Variants in FAM184B observed in about 807,000 individuals in gnomAD.
The protein encoded by FAM184B is family with sequence similarity 184 member B, also known as protein FAM184B.
A neutral mutation model predicts 135.9 loss-of-function variants in FAM184B; 111 were observed. The ratio of observed to expected loss-of-function variants is 0.82; its 90% CI spans 0.70 to 0.96. FAM184B has a LOEUF of 0.96. Ranked by LOEUF, FAM184B falls within the 40% of genes least tolerant of loss-of-function variation. The pLI is 0.00. For missense variants in FAM184B, 1,375 were observed against 1,323.9 expected (o/e 1.04, Z -0.60); for synonymous variants, 552 against 524.8 (o/e 1.05, Z -0.71).
At chr4:17,705,361 T>C (rs1717085050) in intron 4 of FAM184B, among the ~76,000 whole-genome samples, 155 bp from the exon 5 acceptor site, 1 of 152,228 alleles carries the variant, frequency 6.6e-6, no homozygotes, top group South Asian at 2.1e-4. Context: ...ATATATTTGA[T>C]GTTAGTAAAA....
At chr4:17,769,288 G>A (rs954881775) in intron 1 of FAM184B, among the ~76,000 whole-genome samples, 1 of 152,070 alleles carries the variant, frequency 6.6e-6, no homozygotes, top group Non-Finnish European at 1.5e-5. Flanking sequence ...CTTTGCAGGG[G>A]AAATCATCTA....
intron 12 of FAM184B, among the ~76,000 whole-genome samples, chr4:17,647,214 A>AG (rs1425664495): frequency 1.3e-5 from 2 of 148,962 alleles, no homozygotes; most frequent in Non-Finnish European, 1.5e-5. Context: ...CACTTCGGGC[A>AG]GGGGGGAGGG....
intron 5 of FAM184B, among the ~76,000 whole-genome samples, chr4:17,703,188 C>G (rs1211355805): frequency 3.9e-5 from 6 of 152,004 alleles, no homozygotes; most frequent in African/African-American, 1.5e-4. Flanking sequence ...ATTATGTTAC[C>G]CAATGCACAT....
At chr4:17,762,229 G>A (rs1219740963) in intron 1 of FAM184B, among the ~76,000 whole-genome samples, 6 of 152,312 alleles carry the variant, frequency 3.9e-5, no homozygotes, top group African/African-American at 1.2e-4. Flanking sequence ...GATCCCCTAT[G>A]AGATGATAAT....
chr4:17,630,186 A>C lies in FAM184B; in HGVS notation c.*2346T>G, dbSNP rs1042732277. ...GCCTGGGAAAGTGTTTCAACACACAAAAATAGAACCACCTGTATGTAGTCT... is the reference window on the plus strand; with the variant it reads ...GCCTGGGAAAGTGTTTCAACACACACAAATAGAACCACCTGTATGTAGTCT... On this transcript the variant is annotated 3_prime_UTR_variant, in exon 18 of 18. Coordinates refer to ENST00000265018, the MANE Select transcript of FAM184B (RefSeq NM_015688.2). 2 of 152,194 alleles carry C rather than the reference A, an allele frequency of 1.3e-5. No homozygotes were observed. Among genetic ancestry groups the C allele is most frequent in the Non-Finnish European group, 2.9e-5 (2 of 68,018 alleles). 9.4% of individuals were successfully genotyped at this position (152,194 alleles called of 1,614,324 possible).
intron 15 of FAM184B, among the ~76,000 whole-genome samples, chr4:17,635,952 C>T (rs1421135424): frequency 6.6e-6 from 1 of 152,144 alleles, no homozygotes; most frequent in Non-Finnish European, 1.5e-5. Flanking sequence ...ACAATTCAAA[C>T]CTAAGCCATT....
In FAM184B at chr4:17,639,367, C is replaced by T. The variant is rs758159377; in HGVS notation, c.2549G>A (p.Arg850Gln). ...RFLEETQQAQ[R>Q]AREVETLRQE... ...GCGCAGTGTCTCCACCTCCCTGGCC[C>T]GCTGGGCTTGCTGAGTCTCCTCCAG... The change falls in exon 14 of 18, where the codon CGG becomes CAG. Residue 850 changes from arginine to glutamine, a missense_variant. By Grantham distance (43) the Arg-to-Gln change is conservative. Transcript: ENST00000265018. 30 of 1,551,590 alleles carry T rather than the reference C, an allele frequency of 1.9e-5. No individual in the cohort carries two copies. Among genetic ancestry groups the T allele is most frequent in the South Asian group, 1.4e-4 (12 of 84,058 alleles).
At chr4:17,693,612 G>A (rs1463687900) in intron 5 of FAM184B, among the ~76,000 whole-genome samples, 200 bp from the exon 6 acceptor site, 4 of 152,160 alleles carry the variant, frequency 2.6e-5, no homozygotes, top group Non-Finnish European at 5.9e-5. Flanking sequence ...ATATATATAG[G>A]GGTGGGGCGG....
At chr4:17,727,877 C>G (rs958103801) in intron 1 of FAM184B, among the ~76,000 whole-genome samples, 1 of 152,082 alleles carries the variant, frequency 6.6e-6, no homozygotes, top group South Asian at 2.1e-4. Flanking sequence ...ATGAAAGTGA[C>G]AAAGGGTCAA....
At chr4:17,733,318 T>C (rs1326199003) in intron 1 of FAM184B, among the ~76,000 whole-genome samples, 2 of 152,188 alleles carry the variant, frequency 1.3e-5, no homozygotes, top group Non-Finnish European at 2.9e-5. Flanking sequence ...TTCAACATAG[T>C]GTTGGAAGTT....
At chr4:17,737,704 A>G (rs1577283725) in intron 1 of FAM184B, among the ~76,000 whole-genome samples, 3 of 152,130 alleles carry the variant, frequency 2.0e-5, no homozygotes, top group African/African-American at 7.2e-5. Flanking sequence ...GAGAAGGACA[A>G]AGTATCTCCC....
At chr4:17,721,956 T>G (rs1717542097) in intron 1 of FAM184B, among the ~76,000 whole-genome samples, 2 of 152,306 alleles carry the variant, frequency 1.3e-5, no homozygotes, top group South Asian at 4.1e-4. Context: ...ATCTCATAAC[T>G]GCATCTCTGG....
At chr4:17,779,937 T>C (rs1447002994) in intron 1 of FAM184B, among the ~76,000 whole-genome samples, 1 of 152,250 alleles carries the variant, frequency 6.6e-6, no homozygotes, top group Non-Finnish European at 1.5e-5. Flanking sequence ...TTTTGGTTGA[T>C]GTCACTATTT....
chr4:17,766,134 C>T (rs964509299), intron 1 of FAM184B, among the ~76,000 whole-genome samples: 1 of 152,214 alleles, frequency 6.6e-6, no homozygotes, highest in Non-Finnish European at 1.5e-5. Flanking sequence ...AACCAGGTTG[C>T]CATTGCTGGG....
intron 13 of FAM184B, 101 bp from the exon 14 acceptor site, chr4:17,639,497 C>A: frequency 7.3e-7 from 1 of 1,373,924 alleles, no homozygotes; most frequent in Non-Finnish European, 9.9e-7. Context: ...TTTGGGAGAT[C>A]TGGGTGGGGA....
chr4:17,777,090 C>T lies in FAM184B; in HGVS notation c.141+4069G>A, dbSNP rs147304311. 4.5e-3 allele frequency among the ~76,000 whole-genome samples: 688 copies of T among 152,032 alleles called. 3 individuals are homozygous for T. The highest frequency in any genetic ancestry group is 0.016 in the African/African-American group (675 of 41,472). On this transcript the variant is annotated intron_variant, in intron 1 of 17. Coordinates refer to ENST00000265018, the MANE Select transcript of FAM184B (RefSeq NM_015688.2). ...TTCATAGCAGCATTATTCATAAAAG[C>T]CAAAAAGTAGAAACTCAAATGTCCA...
intron 12 of FAM184B, among the ~76,000 whole-genome samples, chr4:17,644,937 A>G (rs1409701075): frequency 2.6e-5 from 4 of 152,192 alleles, no homozygotes; most frequent in South Asian, 2.1e-4. Context: ...TTATACACCA[A>G]TAACAGACAA....
At chr4:17,763,038 T>C (rs1027937592) in intron 1 of FAM184B, among the ~76,000 whole-genome samples, 2 of 152,216 alleles carry the variant, frequency 1.3e-5, no homozygotes, top group Admixed American at 1.3e-4. Flanking sequence ...TCTATGGTTT[T>C]TGGACACTGC....
At chr4:17,711,465 A>G (rs1240998984) in intron 1 of FAM184B, among the ~76,000 whole-genome samples, 2 of 151,890 alleles carry the variant, frequency 1.3e-5, no homozygotes, top group Admixed American at 1.3e-4. Context: ...CCAATACAGC[A>G]AGACTCAGTC....
Sources: gnomAD v4.1 joint callset for allele counts (sites outside exome capture counted in the v4.1 genomes callset) on GRCh38, gnomAD v4.1.1 for gene constraint, MANE v1.5 for transcripts, NCBI Gene and HGNC (gene_info 2026-07-23, HGNC 2026-07-21) for gene names.